CFAP70: variants seen among roughly 807,000 people sequenced by gnomAD.
CFAP70 encodes the protein cilia- and flagella-associated protein 70.
In CFAP70, 81 loss-of-function variants were observed where a neutral mutation model predicts 137.6. That is an observed-to-expected ratio of 0.59 (90% CI 0.49 to 0.71). CFAP70 has a LOEUF of 0.71. Among genes scored for constraint, CFAP70 ranks in the 30% least tolerant of loss-of-function variants. The pLI, the probability that CFAP70 is intolerant of heterozygous loss-of-function variation, is 0.00. For missense variants in CFAP70, 976 were observed against 1,226.7 expected, an observed-to-expected ratio of 0.80 and a Z score of 3.05; for synonymous variants, 382 against 423.6, an observed-to-expected ratio of 0.90 and a Z score of 1.20.
intron 1 of CFAP70, among the ~76,000 whole-genome samples, chr10:73,356,355 C>T (rs542101793): frequency 3.3e-5 from 5 of 152,088 alleles, no homozygotes; most frequent in Admixed American, 6.5e-5. Flanking sequence ...TGCGCCACCA[C>T]GCCCAGCTAA....
intron 19 of CFAP70, chr10:73,278,986 A>C (rs2047026723): frequency 1.3e-5 from 2 of 152,040 alleles, no homozygotes; most frequent in African/African-American, 2.4e-5. Context: ...TCTCAAAAAA[A>C]AAAAAAAAAA....
chr10:73,345,241 A>G (rs2053609368), intron 4 of CFAP70: 1 of 1,612,612 alleles, frequency 6.2e-7, no homozygotes. Context: ...TCAAGACTGC[A>G]CTGCTGTAAA....
Position 73,354,714 on chromosome 10 carries a change from A to C in CFAP70, c.63+20T>G. ...ACTCCCAAACTAAGGATTTTTGTAAATTTCCAAAAGTAACTTTACCAAATC... is the reference window on the plus strand; with the variant it reads ...ACTCCCAAACTAAGGATTTTTGTAACTTTCCAAAAGTAACTTTACCAAATC... On this transcript the variant is annotated intron_variant, in intron 2 of 26. Transcript: ENST00000310715. 6.2e-7 allele frequency: 1 copy of C among 1,612,226 alleles called. No individual in the cohort carries two copies.
intron 25 of CFAP70, 52 bp downstream of exon 26, chr10:73,269,562 C>T: frequency 7.6e-7 from 1 of 1,322,978 alleles, no homozygotes; most frequent in Non-Finnish European, 1.1e-6. Flanking sequence ...CTTACTTGAC[C>T]CCTCACCTCT....
chr10:73,348,212 C>T (rs534183513), intron 4 of CFAP70: 11 of 1,614,182 alleles, frequency 6.8e-6, no homozygotes, highest in South Asian at 5.5e-5. Flanking sequence ...TGCAATGGAA[C>T]TGTTGTTTGA....
At position 73,331,180 on chromosome 10, in the gene CFAP70, T is replaced by C; in HGVS notation, c.774A>G (p.Glu258=). The change falls in exon 8 of 27, where the codon GAA becomes GAG. Residue 258 remains glutamate (E), a synonymous_variant. Transcript: ENST00000310715. ...ATTTTTGAGGGGGCATATTTACCTT[T>C]TCAGTTTTGCCAGCTTTCCCTTTGG... 2 of 1,608,802 alleles carry C rather than the reference T, an allele frequency of 1.2e-6. 1 individual carries two copies. The highest frequency in any genetic ancestry group is 2.2e-5 in the South Asian group (2 of 90,660).
At chr10:73,261,646 T>C (rs2045201478) in intron 25 of CFAP70, among the ~76,000 whole-genome samples, 1 of 152,082 alleles carries the variant, frequency 6.6e-6, no homozygotes, top group African/African-American at 2.4e-5. Flanking sequence ...TTGTGGGAGT[T>C]ACAATTCGAG....
chr10:73,319,765 T>C (rs1454108449), intron 9 of CFAP70, among the ~76,000 whole-genome samples: 10 of 152,190 alleles, frequency 6.6e-5, no homozygotes, highest in Admixed American at 2.6e-4. Flanking sequence ...TTATCACACC[T>C]TTACCACCAA....
intron 8 of CFAP70, among the ~76,000 whole-genome samples, chr10:73,323,600 G>A (rs2051096929): frequency 6.6e-6 from 1 of 152,212 alleles, no homozygotes; most frequent in African/African-American, 2.4e-5. Flanking sequence ...ACGGCACCTG[G>A]AAAATTGGGT....
intron 8 of CFAP70, among the ~76,000 whole-genome samples, chr10:73,329,620 G>A (rs538451074): frequency 3.9e-5 from 6 of 152,006 alleles, no homozygotes; most frequent in South Asian, 2.1e-4. Flanking sequence ...TTCACCATGC[G>A]GCTTCTTAGC....
intron 5 of CFAP70, among the ~76,000 whole-genome samples, chr10:73,342,074 G>T (rs949494965): frequency 1.3e-5 from 2 of 152,092 alleles, no homozygotes; most frequent in East Asian, 3.8e-4. Context: ...TCTGGCAAGG[G>T]GCTAAAAATA....
At chr10:73,286,253 G>C (rs2047698888) in intron 19 of CFAP70, among the ~76,000 whole-genome samples, 1 of 152,084 alleles carries the variant, frequency 6.6e-6, no homozygotes, top group Non-Finnish European at 1.5e-5. Context: ...GACCAGCCTG[G>C]CGAACATGGT....
Position 73,274,562 on chromosome 10 carries a change from GA to G in CFAP70, c.2705del (p.Leu902ProfsTer4). 1 of 1,614,112 alleles carries G rather than the reference GA, an allele frequency of 6.2e-7. No homozygotes were observed. The highest frequency in any genetic ancestry group is 8.5e-7 in the Non-Finnish European group (1 of 1,179,996). On this transcript the variant is annotated frameshift_variant, in exon 23 of 27. Transcript: ENST00000310715. LOFTEE classifies it high-confidence loss of function. ...CAGAATGATTTCCACTCAGAAAATA[GA>G]GATGGCCCTTCAGGCCCCAGACATT...
intron 25 of CFAP70, among the ~76,000 whole-genome samples, chr10:73,258,795 G>A (rs952092099): frequency 6.6e-6 from 1 of 152,180 alleles, no homozygotes; most frequent in Admixed American, 6.5e-5. Context: ...TATAAGGGAT[G>A]AAAAAAGCCC....
At chr10:73,310,368 A>C (rs2049807504) in intron 11 of CFAP70, 119 bp from the exon 13 acceptor site, 2 of 571,576 alleles carry the variant, frequency 3.5e-6, no homozygotes, top group Admixed American at 6.4e-5. Context: ...AACTACATAT[A>C]CAGTGTGATC....
At chr10:73,300,613 A>G (rs1589403292) in intron 12 of CFAP70, among the ~76,000 whole-genome samples, 1 of 152,184 alleles carries the variant, frequency 6.6e-6, no homozygotes, top group East Asian at 1.9e-4. Context: ...CTGTAATCCT[A>G]GCACTTCGAG....
chr10:73,341,517 G>A, exon 6 of CFAP70: 2 of 1,614,138 alleles, frequency 1.2e-6, no homozygotes, highest in Non-Finnish European at 1.7e-6. Context: ...TTTGGGCCGG[G>A]GAACAGGTTC....
intron 19 of CFAP70, among the ~76,000 whole-genome samples, chr10:73,287,852 C>CATCCATCT (rs140782423): frequency 2.3e-4 from 34 of 145,952 alleles, no homozygotes; most frequent in African/African-American, 8.2e-4. Context: ...TGCATTTTAA[C>CATCCATCT]ATCTATCTAT....
At position 73,340,524 on chromosome 10, in the gene CFAP70, T is replaced by C. The variant is rs371656999; in HGVS notation, c.582+875A>G. Reference sequence around the variant, plus strand: ...CCCTGGCCTGAAGGTGGGGTTTCATTGGGCACCTGCCCCTTTTTGCCCAGG... The same window carrying C: ...CCCTGGCCTGAAGGTGGGGTTTCATCGGGCACCTGCCCCTTTTTGCCCAGG... On this transcript the variant is annotated intron_variant, in intron 6 of 26. Transcript: ENST00000310715. Among the ~76,000 whole-genome samples, 7 of 152,316 alleles carry C rather than the reference T, an allele frequency of 4.6e-5. No homozygotes were observed. In the East Asian group the frequency reaches 1.2e-3, roughly 25 times the overall value.
Sources: allele counts gnomAD v4.1 joint callset (sites outside exome capture counted in the v4.1 genomes callset), GRCh38; gene constraint gnomAD v4.1.1; transcripts MANE v1.5; gene names NCBI Gene and HGNC (gene_info 2026-07-23, HGNC 2026-07-21).